The following RFTN2 variants were observed in gnomAD, a reference collection of about 807,000 sequenced individuals.
The protein encoded by RFTN2 is raftlin family member 2.
Under a neutral mutation model 52.7 loss-of-function variants are expected in RFTN2, and 34 were observed. The observed-to-expected ratio is 0.64, with a 90% CI of 0.49 to 0.86. The LOEUF is 0.86. RFTN2 is among the 40% of genes least tolerant of loss of function. RFTN2 has a pLI of 0.00. For synonymous variants in RFTN2, 203 were observed against 217.7 expected, an observed-to-expected ratio of 0.93 and a Z score of 0.59; for missense variants, 536 against 600.1, an observed-to-expected ratio of 0.89 and a Z score of 1.12.
intron 8 of RFTN2, 57 bp from the exon 9 acceptor site, chr2:197,572,337 C>T: frequency 3.9e-6 from 6 of 1,555,634 alleles, no homozygotes; most frequent in Non-Finnish European, 4.4e-6. Flanking sequence ...TTTCCTGTCC[C>T]TCTGGTCTAG....
intron 5 of RFTN2, among the ~76,000 whole-genome samples, chr2:197,622,003 A>C (rs574698313): frequency 6.6e-6 from 1 of 152,346 alleles, no homozygotes; most frequent in South Asian, 2.1e-4. Flanking sequence ...AGACAGTTTT[A>C]GTGGTCTGGA....
intron 1 of RFTN2, among the ~76,000 whole-genome samples, chr2:197,672,878 GAC>G (rs1203377415): frequency 1.3e-5 from 2 of 152,154 alleles, no homozygotes; most frequent in Non-Finnish European, 2.9e-5. Flanking sequence ...GAGAGACAGA[GAC>G]AGAGAGATAA....
chr2:197,653,434 A>T (rs1050851400), intron 1 of RFTN2, among the ~76,000 whole-genome samples: 3 of 152,164 alleles, frequency 2.0e-5, no homozygotes, highest in African/African-American at 7.2e-5. Flanking sequence ...GGCAGGTAGA[A>T]CACTGACTAA....
chr2:197,599,489 C>T (rs1002550039), intron 7 of RFTN2, among the ~76,000 whole-genome samples: 13 of 151,912 alleles, frequency 8.6e-5, no homozygotes, highest in Non-Finnish European at 1.9e-4. Context: ...ACCAGCGGAT[C>T]CCGAGGCAGT....
chr2:197,656,365 A>G (rs1156991320), intron 1 of RFTN2, among the ~76,000 whole-genome samples: 29 of 152,194 alleles, frequency 1.9e-4, no homozygotes, highest in Admixed American at 1.9e-3. Context: ...GAAGCAATTC[A>G]CCTGGGTTTG....
chr2:197,603,841 C>T (rs1332520480), intron 7 of RFTN2, among the ~76,000 whole-genome samples: 9 of 152,098 alleles, frequency 5.9e-5, no homozygotes, highest in African/African-American at 1.9e-4. Context: ...GCAGAAGAAT[C>T]GCTTGAACCC....
chr2:197,660,256 T>C (rs904574738), intron 1 of RFTN2, among the ~76,000 whole-genome samples: 1 of 152,222 alleles, frequency 6.6e-6, no homozygotes, highest in African/African-American at 2.4e-5. Flanking sequence ...TAATAAATTG[T>C]TAAGCAATTT....
Position 197,666,090 on chromosome 2 carries a change from CT to C in RFTN2, c.139+9229del, listed in dbSNP as rs749441744. Among the ~76,000 whole-genome samples, 1,213 of 145,284 alleles carry C rather than the reference CT, an allele frequency of 8.3e-3. 6 individuals are homozygous for C. The highest frequency in any genetic ancestry group is 0.019 in the South Asian group (86 of 4,588). On this transcript the variant is annotated intron_variant, in intron 1 of 8. Transcript: ENST00000295049. ...TCTGGGAAAGACTTTGTTTCTTCTTCTTTTTTTTTTTTGAGATGGAGTCTCA... is the reference window on the plus strand; with the variant it reads ...TCTGGGAAAGACTTTGTTTCTTCTTCTTTTTTTTTTTGAGATGGAGTCTCA...
intron 7 of RFTN2, among the ~76,000 whole-genome samples, chr2:197,599,541 C>T (rs781445676): frequency 6.6e-6 from 1 of 151,896 alleles, no homozygotes; most frequent in South Asian, 2.1e-4. Context: ...ATCAAAGGCT[C>T]GGTGGGTTGG....
At chr2:197,582,009 T>C (rs936496387) in intron 8 of RFTN2, among the ~76,000 whole-genome samples, 3 of 152,156 alleles carry the variant, frequency 2.0e-5, no homozygotes, top group Admixed American at 2.0e-4. Context: ...TCATTACACA[T>C]AGCCAAAGTG....
intron 1 of RFTN2, among the ~76,000 whole-genome samples, chr2:197,668,269 G>C (rs1291351305): frequency 1.3e-5 from 2 of 152,118 alleles, no homozygotes; most frequent in Non-Finnish European, 2.9e-5. Flanking sequence ...AGCTAGGCTA[G>C]AGGGGCTGTC....
chr2:197,596,808 TCAAC>T (rs1165207894), intron 7 of RFTN2, among the ~76,000 whole-genome samples: 1 of 152,282 alleles, frequency 6.6e-6, no homozygotes, highest in African/African-American at 2.4e-5. Context: ...TTGAGGGACT[TCAAC>T]TATAGCTAGA....
At chr2:197,615,354 G>A (rs996627390) in intron 7 of RFTN2, among the ~76,000 whole-genome samples, 1 of 152,208 alleles carries the variant, frequency 6.6e-6, no homozygotes, top group Non-Finnish European at 1.5e-5. Flanking sequence ...CTGGGTCCCA[G>A]GAATAGCAAA....
Position 197,631,123 on chromosome 2 carries a change from T to C in RFTN2, c.816A>G (p.Arg272=). 1 of 1,613,480 alleles carries C rather than the reference T, an allele frequency of 6.2e-7. No homozygotes were observed. The highest frequency in any genetic ancestry group is 8.5e-7 in the Non-Finnish European group (1 of 1,179,526). ...CAAGTGTACTAATGACTGATCCTTT[T>C]CTTGTTACTTTCATTGACAGGATGC... ...QEGILSMKVT[R]KGSVISTLDA... The change falls in exon 5 of 9, where the codon AGA becomes AGG. Residue 272 remains arginine, a synonymous_variant. Transcript: ENST00000295049.
At chr2:197,646,281 A>G (rs1574739477) in intron 2 of RFTN2, among the ~76,000 whole-genome samples, 1 of 152,202 alleles carries the variant, frequency 6.6e-6, no homozygotes, top group Non-Finnish European at 1.5e-5. Flanking sequence ...TTTGTCTGCA[A>G]GAAGCAAAAA....
chr2:197,640,443 C>T (rs796174149), intron 3 of RFTN2, among the ~76,000 whole-genome samples: 3 of 151,960 alleles, frequency 2.0e-5, no homozygotes, highest in Non-Finnish European at 4.4e-5. Flanking sequence ...CGTGGTGCGC[C>T]GTTTTTTAAG....
intron 5 of RFTN2, among the ~76,000 whole-genome samples, chr2:197,626,617 C>CTT (rs71012985): frequency 0.16 from 14,055 of 89,570 alleles, 1,879 homozygotes; most frequent in African/African-American, 0.2. Context: ...GAATAATCTT[C>CTT]TTTTTTTTTT....
In RFTN2 at chr2:197,636,159, A is replaced by T. The variant is rs2088562753; in HGVS notation, c.439-2162T>A. Reference sequence around the variant, plus strand: ...TACTGTAGCCTTGTAGTATAGTTTGAAGTCAGGTAGTGTGATGCCTCCAGC... The same window carrying T: ...TACTGTAGCCTTGTAGTATAGTTTGTAGTCAGGTAGTGTGATGCCTCCAGC... On this transcript the variant is annotated intron_variant, in intron 3 of 8. Coordinates refer to ENST00000295049, the MANE Select transcript of RFTN2 (RefSeq NM_144629.3). Among the ~76,000 whole-genome samples, 2 of 151,756 alleles carry T rather than the reference A, an allele frequency of 1.3e-5. 1 individual carries two copies. The highest frequency in any genetic ancestry group is 4.2e-4 in the South Asian group (2 of 4,792).
At chr2:197,642,044 A>C (rs1028783128) in intron 3 of RFTN2, among the ~76,000 whole-genome samples, 1 of 152,206 alleles carries the variant, frequency 6.6e-6, no homozygotes, top group East Asian at 1.9e-4. Flanking sequence ...ACCAGAAAAA[A>C]AATTTCCCAG....
Sources: allele counts gnomAD v4.1 joint callset (sites outside exome capture counted in the v4.1 genomes callset), GRCh38; gene constraint gnomAD v4.1.1; transcripts MANE v1.5; gene names NCBI Gene and HGNC (gene_info 2026-07-23, HGNC 2026-07-21).